Variants in NLRP4 observed in about 807,000 individuals in gnomAD.
NLRP4 encodes the protein NACHT, LRR and PYD domains-containing protein 4.
NLRP4 carries 44 observed loss-of-function variants against 84.7 expected under a neutral mutation model. The ratio of observed to expected loss-of-function variants is 0.52; its 90% CI spans 0.41 to 0.67. The LOEUF (loss-of-function observed/expected upper bound fraction) is 0.67, where lower values mean the gene tolerates loss of function less well. Among genes scored for constraint, NLRP4 ranks in the 30% least tolerant of loss-of-function variants. The probability of loss-of-function intolerance (pLI) is 0.00; values close to 1 mark genes in which losing one functional copy is unlikely to be tolerated. For synonymous variants in NLRP4, 544 were observed against 476.4 expected (o/e 1.14, Z -1.85); for missense variants, 1,260 against 1,219.4 (o/e 1.03, Z -0.50).
At chr19:55,853,545 C>T (rs1268199771) in intron 2 of NLRP4, among the ~76,000 whole-genome samples, 2 of 152,066 alleles carry the variant, frequency 1.3e-5, no homozygotes, top group African/African-American at 2.4e-5. Flanking sequence ...TGTGTGCCAC[C>T]ACGCTTGGCT....
Position 55,849,849 on chromosome 19 carries a change from CGAGACTGCGGT to C in NLRP4, c.-65-2165_-65-2155del, listed in dbSNP as rs1568657896. On this transcript the variant is annotated intron_variant, in intron 1 of 9. Coordinates refer to ENST00000301295, the MANE Select transcript of NLRP4 (RefSeq NM_134444.5). ...ATTTCCGAAGCTGCGGTGTAATTTCCGAGACTGCGGTGTAATTTCCGTGGCCGCGGTGTAAT... is the reference window on the plus strand; with the variant it reads ...ATTTCCGAAGCTGCGGTGTAATTTCCGTAATTTCCGTGGCCGCGGTGTAAT... Among the ~76,000 whole-genome samples the C allele has an allele frequency of 7.2e-4, 106 of 146,708 alleles. 3 individuals carry two copies. Among genetic ancestry groups the C allele is most frequent in the African/African-American group, 2.1e-3 (82 of 39,514 alleles).
chr19:55,849,650 C>T (rs1299293531), intron 1 of NLRP4, among the ~76,000 whole-genome samples: 1 of 152,188 alleles, frequency 6.6e-6, no homozygotes, highest in Admixed American at 6.5e-5. Context: ...TCCATTGTGC[C>T]TTTGTCAAAA....
At chr19:55,847,918 T>C (rs1024045573) in intron 1 of NLRP4, among the ~76,000 whole-genome samples, 1 of 152,122 alleles carries the variant, frequency 6.6e-6, no homozygotes, top group African/African-American at 2.4e-5. Context: ...GGTTTCACCA[T>C]CTTGGTCAGG....
intron 7 of NLRP4, among the ~76,000 whole-genome samples, chr19:55,873,959 A>G (rs895223765): frequency 1.4e-4 from 21 of 152,178 alleles, no homozygotes; most frequent in African/African-American, 4.8e-4. Flanking sequence ...CTAAAGAATA[A>G]TGAACTTAAG....
At position 55,878,877 on chromosome 19, in the gene NLRP4, A is replaced by T. The variant is rs755283577; in HGVS notation, c.2780A>T (p.Asn927Ile). ...LTCSKTLQQLNLTLNTLDHTG... is the reference protein window; with the variant it reads ...LTCSKTLQQLILTLNTLDHTG... The stretch of plus-strand genomic sequence containing the variant: ...TGCAGTAAGACCCTGCAGCAGCTCA[A>T]CCTGACCTTGAACACCTTGGACCAC... Residue 927 changes from asparagine to isoleucine, a missense_variant, in exon 9 of 10, where the codon AAC becomes ATC. By Grantham distance (149) the Asn-to-Ile change is moderately radical (BLOSUM62 -3). Transcript: ENST00000301295. 4 of 1,613,964 alleles carry T rather than the reference A, an allele frequency of 2.5e-6. No individual in the cohort carries two copies. The highest frequency in any genetic ancestry group is 3.4e-6 in the Non-Finnish European group (4 of 1,179,904).
rs1568659241 is a variant in NLRP4 at position 55,850,724 on chromosome 19, ACTTTCCG to A, written c.-65-1291_-65-1285del. Among the ~76,000 whole-genome samples, 10 of 136,176 alleles carry A rather than the reference ACTTTCCG, an allele frequency of 7.3e-5. 1 individual carries two copies. Among genetic ancestry groups the A allele is most frequent in the Admixed American group, 2.2e-4 (3 of 13,870 alleles). The allele number at this position is 136,176 out of a possible 152,430, so 89.3% of individuals were successfully genotyped here. On this transcript the variant is annotated intron_variant, in intron 1 of 9. Transcript: ENST00000301295. Reference sequence around the variant, plus strand: ...GGTGTACTTCCCGAGGCTGCGGTGTACTTTCCGAGGCTGCGGTGTACTTCCCGAGGCT... The same window carrying A: ...GGTGTACTTCCCGAGGCTGCGGTGTAAGGCTGCGGTGTACTTCCCGAGGCT...
chr19:55,849,896 G>GCGGTGTAATTTCCGTGGCC (rs1568658037), intron 1 of NLRP4, among the ~76,000 whole-genome samples: 1,295 of 15,074 alleles, frequency 0.086, 117 homozygotes, highest in South Asian at 0.15. Flanking sequence ...TTCCGTGGCC[G>GCGGTGTAATTTCCGTGGCC]GCGGTGTAAT....
Position 55,858,474 on chromosome 19 carries a change from C to T in NLRP4, c.1081C>T (p.Leu361=), listed in dbSNP as rs762005702. The T allele has an allele frequency of 1.9e-6, 3 of 1,614,140 alleles. No homozygotes were observed. The South Asian group carries it at 3.3e-5, about 18-fold the overall frequency. ...GCAAGAGATGCAGAAAGGAAAAGACCTGGCCCTGACCTGCCAGAGCACTAC... is the reference window on the plus strand; with the variant it reads ...GCAAGAGATGCAGAAAGGAAAAGACTTGGCCCTGACCTGCCAGAGCACTAC... ...LKQEMQKGKD[L]ALTCQSTTSV... The change falls in exon 3 of 10, where the codon CTG becomes TTG. Residue 361 remains leucine, a synonymous_variant. Coordinates refer to ENST00000301295, the MANE Select transcript of NLRP4 (RefSeq NM_134444.5). The surrounding 1 kb of genome is among the most constrained non-coding windows in gnomAD (Gnocchi z 4.2).
chr19:55,851,409 A>C (rs796713095), intron 1 of NLRP4, among the ~76,000 whole-genome samples: 788 of 22,404 alleles, frequency 0.035, 19 homozygotes, highest in Middle Eastern at 0.083. Flanking sequence ...GGTGTAATTT[A>C]CGAGGCTGCG....
chr19:55,856,298 A>G (rs1377051884), intron 2 of NLRP4, among the ~76,000 whole-genome samples: 3 of 151,808 alleles, frequency 2.0e-5, no homozygotes, highest in East Asian at 2.0e-4. Flanking sequence ...CCAGCCAACT[A>G]CAGCAACTGG....
chr19:55,874,394 G>C (rs573305178), intron 7 of NLRP4, among the ~76,000 whole-genome samples: 1 of 151,944 alleles, frequency 6.6e-6, no homozygotes. Flanking sequence ...CAAGTGCTCA[G>C]TGGTCACACG....
chr19:55,854,709 C>A (rs962984913), intron 2 of NLRP4, among the ~76,000 whole-genome samples: 2 of 152,032 alleles, frequency 1.3e-5, no homozygotes, highest in Admixed American at 6.6e-5. Flanking sequence ...TTGGAAAAAA[C>A]CCCTCCCAGT....
At chr19:55,880,219 C>G (rs560519725) in intron 9 of NLRP4, among the ~76,000 whole-genome samples, 1 of 152,128 alleles carries the variant, frequency 6.6e-6, no homozygotes, top group African/African-American at 2.4e-5. Context: ...TTCTTGAAGT[C>G]CATCCTTATA....
chr19:55,857,220 T>C (rs990423198), intron 2 of NLRP4, among the ~76,000 whole-genome samples: 1 of 152,212 alleles, frequency 6.6e-6, no homozygotes, highest in African/African-American at 2.4e-5. Flanking sequence ...TATGTGTCTA[T>C]TGAAAGCAGA....
chr19:55,845,201 A>G (rs1352948722), intron 1 of NLRP4, among the ~76,000 whole-genome samples: 5 of 108,758 alleles, frequency 4.6e-5, no homozygotes, highest in African/African-American at 1.9e-4. Flanking sequence ...AACAGTCCCC[A>G]GTGTGTGATG....
chr19:55,851,427 T>G lies in NLRP4; in HGVS notation c.-65-589T>G, dbSNP rs1395816564. ...GTAATTTACGAGGCTGCGGTGTAAT[T>G]TACGAGGCTGCGGTGTAATGTCCGT... On this transcript the variant is annotated intron_variant, in intron 1 of 9. Transcript: ENST00000301295. 1.0e-3 allele frequency among the ~76,000 whole-genome samples: 35 copies of G among 33,990 alleles called. 1 individual carries two copies. The highest frequency in any genetic ancestry group is 1.3e-3 in the South Asian group (1 of 782). The allele number at this position is 33,990 out of a possible 152,430, so 22.3% of individuals were successfully genotyped here.
chr19:55,865,775 T>C (rs1984930101), intron 5 of NLRP4, among the ~76,000 whole-genome samples: 1 of 152,210 alleles, frequency 6.6e-6, no homozygotes, highest in Non-Finnish European at 1.5e-5. Context: ...ATTGGATTTT[T>C]TGCCTTTTTG....
At chr19:55,879,213 A>G (rs974930810) in intron 9 of NLRP4, among the ~76,000 whole-genome samples, 9 of 152,134 alleles carry the variant, frequency 5.9e-5, no homozygotes. Context: ...CCCGAGGTTC[A>G]TTGTCCCAGG....
rs759341631 is a variant in NLRP4, at chr19:55,858,549, G to A, written c.1156G>A (p.Glu386Lys). Residue 386 changes from glutamate (E) to lysine (K), a missense_variant, in exon 3 of 10, where the codon GAG becomes AAG. Glu to Lys is a moderately conservative substitution (Grantham distance 56). Coordinates refer to ENST00000301295, the MANE Select transcript of NLRP4 (RefSeq NM_134444.5). This position sits in a 1 kb window ranked among gnomAD's most constrained non-coding sequence, Gnocchi z 4.2. ...VFNLFTPEGA[E>K]GPTPQTQHQL... is the part of the protein sequence containing the mutation. The stretch of plus-strand genomic sequence containing the variant: ...TAACCTGTTCACACCTGAGGGTGCC[G>A]AGGGCCCGACTCCGCAAACCCAGCA... The A allele has an allele frequency of 1.3e-5, 21 of 1,614,054 alleles. No homozygotes were observed. The highest frequency in any genetic ancestry group is 6.7e-5 in the East Asian group (3 of 44,872).
Sources: allele counts gnomAD v4.1 joint callset (sites outside exome capture counted in the v4.1 genomes callset), GRCh38; gene constraint gnomAD v4.1.1; non-coding constraint Gnocchi (gnomAD v3.1); transcripts MANE v1.5; gene names NCBI Gene and HGNC (gene_info 2026-07-23, HGNC 2026-07-21).